The following YBX3 variants were observed in gnomAD, a reference collection of about 807,000 sequenced individuals.
YBX3 encodes the protein Y-box-binding protein 3.
A neutral mutation model predicts 42.4 loss-of-function variants in YBX3; 29 were observed. The observed-to-expected ratio is 0.68, with a 90% confidence interval of 0.51 to 0.93. The LOEUF is 0.93. Among genes scored for constraint, YBX3 ranks in the 40% least tolerant of loss-of-function variants. The probability of loss-of-function intolerance (pLI) is 0.00; values close to 1 mark genes in which losing one functional copy is unlikely to be tolerated. For synonymous variants in YBX3, 195 were observed against 189.8 expected, an observed-to-expected ratio of 1.03 and a Z score of -0.22; for missense variants, 517 against 527.5, an observed-to-expected ratio of 0.98 and a Z score of 0.19.
At chr12:10,710,936 CAT>C (rs1948193481) in intron 5 of YBX3, 1 of 158,540 alleles carries the variant, frequency 6.3e-6, no homozygotes, top group Non-Finnish European at 1.4e-5. Flanking sequence ...TATAAATAAA[CAT>C]TGACAAAAAC....
chr12:10,701,670 T>G (rs769687450), intron 8 of YBX3, among the ~76,000 whole-genome samples: 1 of 152,214 alleles, frequency 6.6e-6, no homozygotes, highest in South Asian at 2.1e-4. Flanking sequence ...TTTCAACTCA[T>G]GCTTAGAGGC....
At chr12:10,700,629 A>G (rs1948068037) in intron 9 of YBX3, among the ~76,000 whole-genome samples, 1 of 152,156 alleles carries the variant, frequency 6.6e-6, no homozygotes, top group Non-Finnish European at 1.5e-5. Flanking sequence ...CCTATTGTAA[A>G]CACTCCCTGT....
chr12:10,716,646 T>C (rs1478023601), intron 3 of YBX3, among the ~76,000 whole-genome samples: 1 of 152,216 alleles, frequency 6.6e-6, no homozygotes, highest in Non-Finnish European at 1.5e-5. Context: ...TGCGTTTCTA[T>C]GGAACTAGGT....
In YBX3 at chr12:10,702,084, T is replaced by G. The variant is rs1459960918; in HGVS notation, c.929A>C (p.Asp310Ala). Residue 310 changes from aspartate to alanine, a missense_variant, in exon 8 of 10, where the codon GAT becomes GCT. Asp to Ala is a moderately radical substitution (Grantham distance 126, BLOSUM62 -2). Transcript: ENST00000228251. ...RPAPAVGEAE[D>A]KENQQATSGP... The stretch of plus-strand genomic sequence containing the variant: ...ACTGGTGGCTTGCTGATTTTCTTTA[T>G]CTTCAGCCTCTCCAACTGCTGGGGC... 1.9e-5 allele frequency: 30 copies of G among 1,614,054 alleles called. No homozygotes were observed. The highest frequency in any genetic ancestry group is 2.5e-5 in the Non-Finnish European group (30 of 1,180,028).
At chr12:10,722,755 G>A in intron 1 of YBX3, 95 bp downstream of exon 1, 1 of 1,128,342 alleles carries the variant, frequency 8.9e-7, no homozygotes, top group Non-Finnish European at 1.1e-6. Flanking sequence ...TCTCCAGCCC[G>A]GGTGGGAGAT....
chr12:10,717,915 A>G, intron 3 of YBX3, 173 bp downstream of exon 3: 1 of 479,944 alleles, frequency 2.1e-6, no homozygotes, highest in Non-Finnish European at 3.6e-6. Flanking sequence ...ATGGGGTAGA[A>G]GAACTTATTT....
chr12:10,719,736 A>T (rs144511030), intron 1 of YBX3, among the ~76,000 whole-genome samples: 127 of 152,330 alleles, frequency 8.3e-4, no homozygotes, highest in African/African-American at 2.9e-3. Context: ...GTGATATAAC[A>T]GGTCTTTTCA....
At chr12:10,717,996 T>C (rs751101078) in intron 3 of YBX3, 92 bp downstream of exon 3, 9 of 1,048,362 alleles carry the variant, frequency 8.6e-6, no homozygotes, top group Non-Finnish European at 1.2e-5. Context: ...ATTAAAATAA[T>C]AATCCATAGG....
chr12:10,718,398 A>C lies in YBX3; in HGVS notation c.327-277T>G, dbSNP rs1000386084. On this transcript the variant is annotated intron_variant, in intron 2 of 9. Transcript: ENST00000228251. The stretch of plus-strand genomic sequence containing the variant: ...GTTCCTCTGTCTCTTTCTGAATCAC[A>C]TGGTGTGTAATCAGAGCCTCAGATT... 1.4e-5 allele frequency: 5 copies of C among 351,940 alleles called. No individual in the cohort carries two copies. The South Asian group carries it at 2.1e-4, about 15-fold the overall frequency. The allele number at this position is 351,940 out of a possible 1,614,324, so 21.8% of individuals were successfully genotyped here.
intron 5 of YBX3, chr12:10,710,680 T>C: frequency 1.2e-6 from 1 of 826,626 alleles, no homozygotes; most frequent in Non-Finnish European, 1.8e-6. Flanking sequence ...CTCAGAAGTA[T>C]ATGGTGGGGT....
chr12:10,720,750 A>G (rs759704597), intron 1 of YBX3: 7 of 152,210 alleles, frequency 4.6e-5, no homozygotes, highest in Non-Finnish European at 8.8e-5. Flanking sequence ...GACAATACTA[A>G]TAATAAAGGA....
intron 3 of YBX3, chr12:10,716,030 A>G (rs767397055): frequency 5.2e-5 from 24 of 462,050 alleles, no homozygotes; most frequent in Non-Finnish European, 8.7e-5. Flanking sequence ...TGTTTTTTCT[A>G]TAACTGCAGT....
In YBX3 at chr12:10,715,760, T is replaced by G; in HGVS notation, c.384A>C (p.Pro128=). The G allele has an allele frequency of 6.2e-7, 1 of 1,614,000 alleles. No homozygotes were observed. Among genetic ancestry groups the G allele is most frequent in the East Asian group, 2.2e-5 (1 of 44,862 alleles). Residue 128 remains proline, a synonymous_variant, in exon 4 of 10, where the codon CCA becomes CCC. Transcript: ENST00000228251. ...VHQTAIKKNN[P]RKYLRSVGDG... ...CTCCTACACTGCGCAGATATTTCCGTGGGTTATTCTTCTTGATGGCAGTCT... is the reference window on the plus strand; with the variant it reads ...CTCCTACACTGCGCAGATATTTCCGGGGGTTATTCTTCTTGATGGCAGTCT...
chr12:10,701,772 T>C lies in YBX3; in HGVS notation c.1053+188A>G, dbSNP rs150858609. Among the ~76,000 whole-genome samples the C allele has an allele frequency of 9.7e-3, 1,478 of 152,336 alleles. 20 individuals carry two copies. The highest frequency in any genetic ancestry group is 0.033 in the African/African-American group (1,381 of 41,574). The stretch of plus-strand genomic sequence containing the variant: ...TAATATGGGTCATTCTTTCAGAGAA[T>C]GTTAACTGGATTCAAATATGTGGTC... On this transcript the variant is annotated intron_variant, in intron 8 of 9. Coordinates refer to ENST00000228251, the MANE Select transcript of YBX3 (RefSeq NM_003651.5).
intron 8 of YBX3, 26 bp downstream of exon 8, chr12:10,701,934 C>T: frequency 1.2e-6 from 2 of 1,600,942 alleles, no homozygotes; most frequent in Non-Finnish European, 1.7e-6. Context: ...TATCTGGCAA[C>T]ATCCGCCCTG....
chr12:10,709,964 C>G lies in YBX3; in HGVS notation c.724G>C (p.Val242Leu). 1 of 1,614,030 alleles carries G rather than the reference C, an allele frequency of 6.2e-7. No individual in the cohort carries two copies. Among genetic ancestry groups the G allele is most frequent in the Non-Finnish European group, 8.5e-7 (1 of 1,179,874 alleles). ...GAGCGACGGTCAAAGGTCTGTCCCA[C>G]GTGGTAAGGCGGGAACCGCCGCTGC... is the stretch of plus-strand genomic sequence containing the variant. ...YRQRRFPPYH[V>L]GQTFDRRSRV... The change falls in exon 6 of 10, where the codon GTG becomes CTG. Residue 242 changes from valine to leucine, a missense_variant. Physicochemically the swap from Val to Leu is conservative, Grantham distance 32 (BLOSUM62 1). Around this residue, in one of 3 missense-constraint regions of YBX3, gnomAD observed 420 missense variants for 408.5 expected, o/e 1.03. Coordinates refer to ENST00000228251, the MANE Select transcript of YBX3 (RefSeq NM_003651.5).
chr12:10,710,187 G>A (rs2120937586), intron 5 of YBX3, 73 bp from the exon 6 acceptor site: 1 of 1,552,040 alleles, frequency 6.4e-7, no homozygotes, highest in Non-Finnish European at 8.7e-7. Context: ...CATTTAGGAT[G>A]AATATCACCA....
At chr12:10,707,617 CCAA>C (rs1948152855) in intron 6 of YBX3, among the ~76,000 whole-genome samples, 1 of 152,272 alleles carries the variant, frequency 6.6e-6, no homozygotes, top group East Asian at 1.9e-4. Context: ...TGGTCTAGTC[CCAA>C]CAAAACAGTC....
intron 4 of YBX3, among the ~76,000 whole-genome samples, chr12:10,714,374 T>C (rs143432156): frequency 2.0e-4 from 31 of 152,334 alleles, no homozygotes; most frequent in African/African-American, 7.2e-4. Flanking sequence ...GTGCTATATG[T>C]AGTTTTAGCG....
Sources: gnomAD v4.1 joint callset for allele counts (sites outside exome capture counted in the v4.1 genomes callset) on GRCh38, gnomAD v4.1.1 for gene constraint, gnomAD v4.1.1 regional missense constraint, MANE v1.5 for transcripts, NCBI Gene and HGNC (gene_info 2026-07-23, HGNC 2026-07-21) for gene names.